TENM3: variants seen among roughly 807,000 people sequenced by gnomAD.
TENM3 encodes teneurin-3.
In TENM3, 63 loss-of-function variants were observed where a neutral mutation model predicts 255.1. The ratio of observed to expected loss-of-function variants is 0.25; its 90% CI spans 0.20 to 0.30. TENM3 has a LOEUF of 0.30. Ranked by LOEUF, TENM3 falls within the 10% of genes least tolerant of loss-of-function variation. TENM3 has a pLI of 1.00. For missense variants in TENM3, 2,929 were observed against 3,461.1 expected (o/e 0.85, Z 3.86); for synonymous variants, 1,306 against 1,322.3 (o/e 0.99, Z 0.27).
the TENM3 span, among the ~76,000 whole-genome samples, chr4:181,575,785 G>A: frequency 6.6e-6 from 1 of 152,140 alleles, no homozygotes; most frequent in South Asian, 2.1e-4. Flanking sequence ...GACTTCCGCT[G>A]CTCCATTTCA....
the TENM3 span, among the ~76,000 whole-genome samples, chr4:181,599,886 C>G: frequency 6.6e-6 from 1 of 152,064 alleles, no homozygotes; most frequent in East Asian, 1.9e-4. Context: ...GTGAATATAT[C>G]TTACAAGCCC....
the TENM3 span, among the ~76,000 whole-genome samples, chr4:181,726,721 T>C: frequency 6.6e-6 from 1 of 152,178 alleles, no homozygotes; most frequent in African/African-American, 2.4e-5. Context: ...AGTTCAATTC[T>C]GCCACCATCT....
At chr4:182,244,066 G>T (rs1269634209) in intron 1 of TENM3, among the ~76,000 whole-genome samples, 54 of 144,996 alleles carry the variant, frequency 3.7e-4, no homozygotes, top group African/African-American at 7.0e-4. Context: ...CCATTCTCCT[G>T]CCTCAGCCTC....
intron 3 of TENM3, among the ~76,000 whole-genome samples, chr4:182,597,728 T>TA (rs1747406034): frequency 1.3e-5 from 2 of 152,232 alleles, no homozygotes; most frequent in South Asian, 4.1e-4. Context: ...TTTATCTTGT[T>TA]ACACTTTATA....
chr4:181,590,785 T>A, the TENM3 span, among the ~76,000 whole-genome samples: 2 of 152,210 alleles, frequency 1.3e-5, no homozygotes, highest in African/African-American at 4.8e-5. Flanking sequence ...ATTTCTTTCT[T>A]ATATGTTAAA....
At chr4:182,338,878 A>G (rs934413091) in intron 2 of TENM3, among the ~76,000 whole-genome samples, 7 of 152,204 alleles carry the variant, frequency 4.6e-5, no homozygotes, top group African/African-American at 1.7e-4. Flanking sequence ...AATGCTTTTA[A>G]TTTTAAAGAC....
At chr4:181,792,009 G>A in the TENM3 span, among the ~76,000 whole-genome samples, 1 of 152,238 alleles carries the variant, frequency 6.6e-6, no homozygotes, top group Non-Finnish European at 1.5e-5. Context: ...GATGGATTCA[G>A]TAGATTCCTA....
chr4:182,472,083 C>G (rs1382828508), intron 3 of TENM3, among the ~76,000 whole-genome samples: 1 of 152,162 alleles, frequency 6.6e-6, no homozygotes, highest in Non-Finnish European at 1.5e-5. Flanking sequence ...AATTATAGAG[C>G]AGAGGCTATA....
the TENM3 span, among the ~76,000 whole-genome samples, chr4:181,613,907 A>G: frequency 6.6e-6 from 1 of 152,208 alleles, no homozygotes; most frequent in Non-Finnish European, 1.5e-5. Flanking sequence ...TTGAGTGCAG[A>G]AGTAGGTGAG....
intron 3 of TENM3, among the ~76,000 whole-genome samples, chr4:182,462,593 T>C (rs918234697): frequency 6.6e-6 from 1 of 151,934 alleles, no homozygotes; most frequent in Non-Finnish European, 1.5e-5. Flanking sequence ...ATTACAAATA[T>C]GTAGTTAAAA....
chr4:181,497,882 G>A, the TENM3 span, among the ~76,000 whole-genome samples: 2 of 152,120 alleles, frequency 1.3e-5, no homozygotes, highest in African/African-American at 2.4e-5. Flanking sequence ...AAAAGAAAAT[G>A]GATGAGCTGG....
chr4:182,755,355 T>C, intron 22 of TENM3, 96 bp downstream of exon 22: 1 of 1,208,332 alleles, frequency 8.3e-7, no homozygotes, highest in South Asian at 1.7e-5. Context: ...GAGGATTCCA[T>C]GTTTTTGAGA....
chr4:182,786,487 G>A (rs1268736338), intron 24 of TENM3, among the ~76,000 whole-genome samples: 1 of 151,690 alleles, frequency 6.6e-6, no homozygotes, highest in African/African-American at 2.4e-5. Flanking sequence ...GAACCTGGAG[G>A]AGGAGGTTGC....
At chr4:182,075,552 TG>T in the TENM3 span, among the ~76,000 whole-genome samples, 1 of 152,184 alleles carries the variant, frequency 6.6e-6, no homozygotes, top group Non-Finnish European at 1.5e-5. Context: ...AAGACCTGTC[TG>T]TAGGCTAATT....
At chr4:181,560,339 G>A in the TENM3 span, among the ~76,000 whole-genome samples, 6 of 152,314 alleles carry the variant, frequency 3.9e-5, no homozygotes, top group African/African-American at 1.4e-4. Context: ...ACGTTGTGAG[G>A]TCAGGTTTCA....
the TENM3 span, among the ~76,000 whole-genome samples, chr4:181,842,719 A>G: frequency 6.6e-6 from 1 of 152,226 alleles, no homozygotes; most frequent in Non-Finnish European, 1.5e-5. Context: ...TCATGGTATT[A>G]AGTATGCTTC....
chr4:181,744,293 A>G, the TENM3 span, among the ~76,000 whole-genome samples: 10 of 152,286 alleles, frequency 6.6e-5, no homozygotes, highest in Admixed American at 2.6e-4. Context: ...ATACCCACAC[A>G]TGTATCTTGG....
chr4:182,613,884 G>C (rs974475517), intron 4 of TENM3, among the ~76,000 whole-genome samples: 1 of 152,184 alleles, frequency 6.6e-6, no homozygotes, highest in African/African-American at 2.4e-5. Context: ...TAGCAGCAGT[G>C]AAGTGTATCT....
At chr4:181,580,250 G>A in the TENM3 span, among the ~76,000 whole-genome samples, 635 of 152,000 alleles carry the variant, frequency 4.2e-3, 3 homozygotes, top group African/African-American at 0.015. Flanking sequence ...CACCAGCCTC[G>A]GCCTCCCAAC....
Sources: allele counts gnomAD v4.1 joint callset (sites outside exome capture counted in the v4.1 genomes callset), GRCh38; gene constraint gnomAD v4.1.1; transcripts MANE v1.5; gene names NCBI Gene and HGNC (gene_info 2026-07-23, HGNC 2026-07-21).